EP300: variants seen among roughly 807,000 people sequenced by gnomAD.
EP300 encodes the protein histone acetyltransferase p300.
In EP300, 31 loss-of-function variants were observed where a neutral mutation model predicts 264.0. That is an observed-to-expected ratio of 0.12 (90% CI 0.09 to 0.16). EP300 has a LOEUF of 0.16. Among genes scored for constraint, EP300 ranks in the 10% least tolerant of loss-of-function variants. EP300 has a pLI of 1.00. For missense variants in EP300, 2,766 were observed against 3,052.9 expected (o/e 0.91, Z 2.21); for synonymous variants, 1,340 against 1,045.4 (o/e 1.28, Z -5.44).
chr22:41,125,812 A>T (rs2145707243), intron 2 of EP300, 52 bp from the exon 3 acceptor site: 1 of 1,561,180 alleles, frequency 6.4e-7, no homozygotes, highest in Non-Finnish European at 8.8e-7. Context: ...AAGGAATAAT[A>T]ATGTCTTAAA....
chr22:41,176,676 C>T lies in EP300; in HGVS notation c.5062-97C>T, dbSNP rs2059202430. The T allele has an allele frequency of 4.3e-6, 7 of 1,611,916 alleles. No individual in the cohort carries two copies. In the Admixed American group the frequency reaches 8.3e-5, roughly 19 times the overall value. On this transcript the variant is annotated intron_variant, in intron 30 of 30. Transcript: ENST00000263253. Reference sequence around the variant, plus strand: ...AGAGCTGAAGAGGCTAGTTTTTGTTCTACGAAAGGGGCTTTTCTAGCCCAA... The same window carrying T: ...AGAGCTGAAGAGGCTAGTTTTTGTTTTACGAAAGGGGCTTTTCTAGCCCAA...
At chr22:41,119,908 G>A (rs1485008286) in intron 2 of EP300, among the ~76,000 whole-genome samples, 2 of 152,058 alleles carry the variant, frequency 1.3e-5, no homozygotes, top group African/African-American at 4.8e-5. Context: ...TCTGCCTCCC[G>A]GGTTCAGGCA....
chr22:41,137,412 T>C (rs949066617), intron 7 of EP300, among the ~76,000 whole-genome samples: 21 of 150,262 alleles, frequency 1.4e-4, no homozygotes, highest in African/African-American at 3.9e-4. Context: ...TGAAGTCTTA[T>C]GATATCTTGT....
chr22:41,140,494 T>C (rs939614588), intron 9 of EP300, among the ~76,000 whole-genome samples: 4 of 152,182 alleles, frequency 2.6e-5, no homozygotes, highest in African/African-American at 7.2e-5. Context: ...TTTATCTGGT[T>C]GTCCTGTCAA....
Position 41,146,727 on chromosome 22 carries a change from T to G in EP300, c.2054-12T>G. ...ATGGTGCAAAGATACTTATTTCTCT[T>G]TTTTACTCTAGATGGCCCTCTACCT... On this transcript the variant is annotated splice_polypyrimidine_tract_variant and intron_variant, in intron 10 of 30. Coordinates refer to ENST00000263253, the MANE Select transcript of EP300 (RefSeq NM_001429.4). 1 of 1,613,884 alleles carries G rather than the reference T, an allele frequency of 6.2e-7. No individual in the cohort carries two copies. The highest frequency in any genetic ancestry group is 1.3e-5 in the African/African-American group (1 of 75,060).
chr22:41,162,858 A>C (rs2059115289), intron 21 of EP300, 79 bp downstream of exon 21: 3 of 1,185,978 alleles, frequency 2.5e-6, no homozygotes, highest in Middle Eastern at 1.9e-4. Context: ...TTGCATGACC[A>C]ATCAGATGAT....
chr22:41,143,313 A>C (rs1254349309), intron 10 of EP300, among the ~76,000 whole-genome samples: 1 of 152,100 alleles, frequency 6.6e-6, no homozygotes, highest in Non-Finnish European at 1.5e-5. Flanking sequence ...TTAGCCAGGC[A>C]TGGAGGTGTG....
chr22:41,166,178 C>T (rs935107446), intron 22 of EP300, among the ~76,000 whole-genome samples: 16 of 152,298 alleles, frequency 1.1e-4, no homozygotes, highest in South Asian at 2.1e-4. Flanking sequence ...GGTTGATGAA[C>T]AAGTTTATAC....
intron 8 of EP300, among the ~76,000 whole-genome samples, chr22:41,138,941 T>G (rs183328400): frequency 7.7e-4 from 117 of 152,126 alleles, no homozygotes; most frequent in African/African-American, 2.6e-3. Flanking sequence ...TAGGATTCTT[T>G]GTTTGTTTGT....
chr22:41,163,936 A>C, intron 21 of EP300, 117 bp from the exon 22 acceptor site: 2 of 953,922 alleles, frequency 2.1e-6, no homozygotes, highest in East Asian at 2.4e-5. Context: ...TATTAAAACT[A>C]TTTTCAGTTC....
chr22:41,170,890 C>T (rs1037123749), intron 27 of EP300, among the ~76,000 whole-genome samples: 1 of 150,924 alleles, frequency 6.6e-6, no homozygotes, highest in Non-Finnish European at 1.5e-5. Flanking sequence ...GTCTCGATCT[C>T]CTGACCTTGT....
chr22:41,132,073 G>A (rs956049905), intron 6 of EP300, among the ~76,000 whole-genome samples: 2 of 151,550 alleles, frequency 1.3e-5, no homozygotes, highest in African/African-American at 4.8e-5. Context: ...GTGCGTGCCT[G>A]TAATCCTAGC....
chr22:41,170,275 G>T, intron 26 of EP300, 131 bp from the exon 27 acceptor site: 1 of 806,562 alleles, frequency 1.2e-6, no homozygotes, highest in African/African-American at 1.7e-5. Flanking sequence ...CTCATTCTGG[G>T]TTATATATAC....
intron 1 of EP300, among the ~76,000 whole-genome samples, chr22:41,108,671 GAAGA>G (rs1461455346): frequency 5.3e-5 from 8 of 152,184 alleles, no homozygotes; most frequent in Admixed American, 5.2e-4. Flanking sequence ...TTGTGAAGCA[GAAGA>G]AAGATTTTAC....
At chr22:41,113,695 C>T (rs1301168819) in intron 1 of EP300, among the ~76,000 whole-genome samples, 8 of 152,010 alleles carry the variant, frequency 5.3e-5, no homozygotes, top group Non-Finnish European at 8.8e-5. Flanking sequence ...TATAGGCGCC[C>T]GCCACCACGC....
chr22:41,115,537 A>T (rs993676802), intron 1 of EP300, among the ~76,000 whole-genome samples: 1 of 152,136 alleles, frequency 6.6e-6, no homozygotes, highest in Admixed American at 6.6e-5. Context: ...GACTCAAGTA[A>T]TCCTCCCACC....
intron 1 of EP300, among the ~76,000 whole-genome samples, chr22:41,096,799 A>C (rs192811080): frequency 1.3e-3 from 196 of 151,702 alleles, no homozygotes; most frequent in African/African-American, 4.4e-3. Context: ...TGTATTTTTT[A>C]GTGGAGACAG....
intron 27 of EP300, 95 bp from the exon 28 acceptor site, chr22:41,172,404 A>T: frequency 8.7e-7 from 1 of 1,153,350 alleles, no homozygotes; most frequent in Non-Finnish European, 1.3e-6. Context: ...AAGACATTTT[A>T]AGCTTTCATG....
chr22:41,120,344 C>T (rs529977065), intron 2 of EP300, among the ~76,000 whole-genome samples: 4 of 152,238 alleles, frequency 2.6e-5, no homozygotes, highest in South Asian at 2.1e-4. Flanking sequence ...ATCCTTGTGT[C>T]GTGGCACACC....
Sources: allele counts gnomAD v4.1 joint callset (sites outside exome capture counted in the v4.1 genomes callset), GRCh38; gene constraint gnomAD v4.1.1; transcripts MANE v1.5; gene names NCBI Gene and HGNC (gene_info 2026-07-23, HGNC 2026-07-21).